The following CAMTA1 variants were observed in gnomAD, a reference collection of about 807,000 sequenced individuals.
The protein encoded by CAMTA1 is calmodulin binding transcription activator 1, also known as calmodulin-binding transcription activator 1.
Under a neutral mutation model 170.9 loss-of-function variants are expected in CAMTA1, and 27 were observed. That is an observed-to-expected ratio of 0.16 (90% CI 0.12 to 0.22). The LOEUF (loss-of-function observed/expected upper bound fraction) is 0.22, where lower values mean the gene tolerates loss of function less well. Among genes scored for constraint, CAMTA1 ranks in the 10% least tolerant of loss-of-function variants. The pLI is 1.00. For missense variants in CAMTA1, 1,619 were observed against 2,217.2 expected, an observed-to-expected ratio of 0.73 and a Z score of 5.42; for synonymous variants, 833 against 891.5, an observed-to-expected ratio of 0.93 and a Z score of 1.17.
At position 7,065,571 on chromosome 1, in the gene CAMTA1, C is replaced by T. The variant is rs768133342; in HGVS notation, c.235-25733C>T. 2.6e-5 allele frequency among the ~76,000 whole-genome samples: 4 copies of T among 151,976 alleles called. No individual in the cohort carries two copies. Among genetic ancestry groups the T allele is most frequent in the Non-Finnish European group, 5.9e-5 (4 of 68,012 alleles). On this transcript the variant is annotated intron_variant, in intron 3 of 22. Transcript: ENST00000303635. This position sits in a 1 kb window ranked among gnomAD's most constrained non-coding sequence, Gnocchi z 5.2. ...AGGGGACAGGAGATGGGATCCAGGG[C>T]GCAGCTGGAGGGATTCTACCTGGAG...
In CAMTA1 at chr1:7,561,114, C is replaced by A. The variant is rs567199281; in HGVS notation, c.511-79286C>A. ...CCTCATTGCTGTCCTTTCTGAACAA[C>A]GCCCAAGAATCCAGGCATGGCCAGG... On this transcript the variant is annotated intron_variant, in intron 6 of 22. Coordinates refer to ENST00000303635, the MANE Select transcript of CAMTA1 (RefSeq NM_015215.4). The surrounding 1 kb of genome is among the most constrained non-coding windows in gnomAD (Gnocchi z 5.3). Among the ~76,000 whole-genome samples, 1 of 152,116 alleles carries A rather than the reference C, an allele frequency of 6.6e-6. No individual in the cohort carries two copies. The highest frequency in any genetic ancestry group is 2.4e-5 in the African/African-American group (1 of 41,422).
intron 10 of CAMTA1, among the ~76,000 whole-genome samples, chr1:7,675,956 A>G (rs968363397): frequency 6.6e-6 from 1 of 152,332 alleles, no homozygotes; most frequent in South Asian, 2.1e-4. Flanking sequence ...CAGGTTGTGC[A>G]CTTGCCAGAA....
intron 3 of CAMTA1, among the ~76,000 whole-genome samples, chr1:6,967,246 CA>C (rs1009294148): frequency 3.3e-5 from 5 of 149,702 alleles, no homozygotes; most frequent in Non-Finnish European, 7.4e-5. Context: ...ATTTCAAAAA[CA>C]AAAAAACCAA....
intron 1 of CAMTA1, among the ~76,000 whole-genome samples, chr1:6,790,089 A>T (rs984620331): frequency 1.3e-5 from 2 of 151,860 alleles, no homozygotes; most frequent in Admixed American, 1.3e-4. Flanking sequence ...TCAGCCTCCC[A>T]AAGTGCTGGG....
intron 4 of CAMTA1, among the ~76,000 whole-genome samples, chr1:7,100,364 C>T (rs1374581688): frequency 6.6e-6 from 1 of 152,166 alleles, no homozygotes; most frequent in Non-Finnish European, 1.5e-5. Flanking sequence ...CTTAGTCCTC[C>T]CTGTGAGCCC....
intron 3 of CAMTA1, among the ~76,000 whole-genome samples, chr1:7,033,841 C>G (rs140323399): frequency 3.9e-5 from 6 of 152,032 alleles, no homozygotes; most frequent in Non-Finnish European, 7.4e-5. Flanking sequence ...TGATCCACCC[C>G]CTTTGGCCTC....
intron 5 of CAMTA1, among the ~76,000 whole-genome samples, chr1:7,287,232 G>A (rs1672472909): frequency 6.6e-6 from 1 of 152,186 alleles, no homozygotes; most frequent in Non-Finnish European, 1.5e-5. Flanking sequence ...GCCAGGGGGA[G>A]ACAGGGCCCA....
In CAMTA1 at chr1:7,682,430, G is replaced by T. The variant is rs1287083325; in HGVS notation, c.2914+4697G>T. Reference sequence around the variant, plus strand: ...AGAGAAGGAAAGGCCTCTTGGTTTGGCCTTCTGATCCGTCCACGCTCTCTG... The same window carrying T: ...AGAGAAGGAAAGGCCTCTTGGTTTGTCCTTCTGATCCGTCCACGCTCTCTG... On this transcript the variant is annotated intron_variant, in intron 11 of 22. Transcript: ENST00000303635. This position sits in a 1 kb window ranked among gnomAD's most constrained non-coding sequence, Gnocchi z 5.0. 6.6e-6 allele frequency among the ~76,000 whole-genome samples: 1 copy of T among 152,200 alleles called. No individual in the cohort carries two copies. Among genetic ancestry groups the T allele is most frequent in the Non-Finnish European group, 1.5e-5 (1 of 68,036 alleles).
intron 6 of CAMTA1, among the ~76,000 whole-genome samples, chr1:7,579,532 A>G (rs922515143): frequency 5.3e-5 from 7 of 132,878 alleles, no homozygotes; most frequent in Non-Finnish European, 1.1e-4. Flanking sequence ...TCTAAGGTCC[A>G]CTTTCTTTTC....
intron 6 of CAMTA1, among the ~76,000 whole-genome samples, chr1:7,631,087 G>A (rs2095666020): frequency 6.6e-6 from 1 of 152,184 alleles, no homozygotes; most frequent in South Asian, 2.1e-4. Flanking sequence ...ACACCCCACA[G>A]AGGGTGTTCT....
At position 7,132,079 on chromosome 1, in the gene CAMTA1, A is replaced by G. The variant is rs539357369; in HGVS notation, c.302+40708A>G. 8.5e-5 allele frequency among the ~76,000 whole-genome samples: 13 copies of G among 152,084 alleles called. No individual in the cohort carries two copies. In the East Asian group the frequency reaches 2.3e-3, roughly 27 times the overall value. ...CACACACACACACACACACGCACACACACTCCAATTTTGTTCATTTTCACA... is the reference window on the plus strand; with the variant it reads ...CACACACACACACACACACGCACACGCACTCCAATTTTGTTCATTTTCACA... On this transcript the variant is annotated intron_variant, in intron 4 of 22. Coordinates refer to ENST00000303635, the MANE Select transcript of CAMTA1 (RefSeq NM_015215.4).
intron 4 of CAMTA1, among the ~76,000 whole-genome samples, chr1:7,124,808 C>T (rs1279838532): frequency 6.6e-6 from 1 of 152,122 alleles, no homozygotes; most frequent in Non-Finnish European, 1.5e-5. Context: ...TTAACGTCGC[C>T]CTCCCCAAGT....
chr1:6,793,764 C>T (rs192903613), intron 1 of CAMTA1, among the ~76,000 whole-genome samples: 56 of 152,242 alleles, frequency 3.7e-4, no homozygotes, highest in African/African-American at 1.3e-3. Context: ...AAGTTATTGT[C>T]TATTTTTCCT....
At chr1:7,097,572 T>C (rs1259664316) in intron 4 of CAMTA1, among the ~76,000 whole-genome samples, 1 of 152,236 alleles carries the variant, frequency 6.6e-6, no homozygotes, top group Non-Finnish European at 1.5e-5. Flanking sequence ...ATCTGCTCTT[T>C]GGGACAGACA....
At chr1:7,480,426 A>G (rs959756754) in intron 6 of CAMTA1, among the ~76,000 whole-genome samples, 2 of 151,572 alleles carry the variant, frequency 1.3e-5, no homozygotes, top group Non-Finnish European at 2.9e-5. Context: ...TGAGAGAGAG[A>G]GACAGAGAGA....
At chr1:6,822,847 C>G (rs1299024644) in intron 2 of CAMTA1, among the ~76,000 whole-genome samples, 1 of 151,890 alleles carries the variant, frequency 6.6e-6, no homozygotes, top group Non-Finnish European at 1.5e-5. Flanking sequence ...CACGCACACT[C>G]TTTATATACC....
intron 11 of CAMTA1, among the ~76,000 whole-genome samples, chr1:7,712,970 G>T (rs1391570616): frequency 1.3e-5 from 2 of 152,158 alleles, no homozygotes; most frequent in Non-Finnish European, 2.9e-5. Context: ...TCATGATTCA[G>T]TTACCTCCGA....
chr1:7,659,302 A>AGGGG (rs1558072434), intron 7 of CAMTA1, among the ~76,000 whole-genome samples: 31 of 152,132 alleles, frequency 2.0e-4, no homozygotes, highest in African/African-American at 7.2e-4. Flanking sequence ...TGGGAGGCCA[A>AGGGG]AGGGGGGTGG....
intron 3 of CAMTA1, among the ~76,000 whole-genome samples, chr1:6,925,400 C>T (rs554158556): frequency 6.6e-6 from 1 of 152,382 alleles, no homozygotes; most frequent in African/African-American, 2.4e-5. Context: ...GTGGCCTGAC[C>T]TCGCTTTCGA....
Sources: allele counts gnomAD v4.1 joint callset (sites outside exome capture counted in the v4.1 genomes callset), GRCh38; gene constraint gnomAD v4.1.1; non-coding constraint Gnocchi (gnomAD v3.1); transcripts MANE v1.5; gene names NCBI Gene and HGNC (gene_info 2026-07-23, HGNC 2026-07-21).